CLPB: variants seen among roughly 807,000 people sequenced by gnomAD.
CLPB encodes the protein ClpB family mitochondrial disaggregase.
Under a neutral mutation model 78.4 loss-of-function variants are expected in CLPB, and 40 were observed. That is an observed-to-expected ratio of 0.51 (90% CI 0.40 to 0.66). The LOEUF (loss-of-function observed/expected upper bound fraction) is 0.66. Among genes scored for constraint, CLPB ranks in the 30% least tolerant of loss-of-function variants. The pLI is 0.00. For missense variants in CLPB, 780 were observed against 886.9 expected (o/e 0.88, Z 1.53); for synonymous variants, 333 against 348.0 (o/e 0.96, Z 0.48).
intron 11 of CLPB, among the ~76,000 whole-genome samples, chr11:72,297,619 T>C (rs1949573240): frequency 6.9e-6 from 1 of 144,164 alleles, no homozygotes; most frequent in Non-Finnish European, 1.5e-5. Context: ...TGAGGGCAGT[T>C]CTAGTTTTGG....
intron 11 of CLPB, among the ~76,000 whole-genome samples, chr11:72,298,640 G>A (rs566163177): frequency 6.6e-6 from 1 of 152,322 alleles, no homozygotes; most frequent in African/African-American, 2.4e-5. Flanking sequence ...GAGGACTACA[G>A]GCACATGTCA....
chr11:72,286,231 T>TTTTTTTTTTTTTTG lies in CLPB; in HGVS notation c.*7135_*7136insCAAAAAAAAAAAAA, dbSNP rs1590744756. 7.5e-6 allele frequency: 1 copy of TTTTTTTTTTTTTTG among 134,202 alleles called. No homozygotes were observed. Among genetic ancestry groups the TTTTTTTTTTTTTTG allele is most frequent in the East Asian group, 2.1e-4 (1 of 4,740 alleles). The allele number at this position is 134,202 out of a possible 1,614,324, so 8.3% of individuals were successfully genotyped here. A position where few individuals can be genotyped will look rare whatever the true frequency, so the allele number is the denominator to read the frequency against. On this transcript the variant is annotated 3_prime_UTR_variant, in exon 16 of 16. Transcript: ENST00000538039. ...TGTGAGATACTGCACCTGTTTTTTT[T>TTTTTTTTTTTTTTG]TTTTTTTTTTTTTTTAAGAGATAGG...
chr11:72,309,484 A>G (rs560452247), intron 7 of CLPB, among the ~76,000 whole-genome samples: 52 of 152,326 alleles, frequency 3.4e-4, no homozygotes, highest in African/African-American at 1.2e-3. Context: ...CTGTATGCTA[A>G]GCACAATGGG....
At chr11:72,420,224 G>C (rs1263457306) in intron 2 of CLPB, among the ~76,000 whole-genome samples, 1 of 152,176 alleles carries the variant, frequency 6.6e-6, no homozygotes, top group Non-Finnish European at 1.5e-5. Flanking sequence ...TCAATGGCTG[G>C]GCATGGTGGC....
At chr11:72,307,031 C>G (rs1565427359) in intron 9 of CLPB, among the ~76,000 whole-genome samples, 168 bp downstream of exon 9, 1 of 152,182 alleles carries the variant, frequency 6.6e-6, no homozygotes, top group Non-Finnish European at 1.5e-5. Context: ...GCCCAAATCT[C>G]TGGAGCAACT....
chr11:72,352,996 T>C (rs1363966555), intron 5 of CLPB: 1 of 152,092 alleles, frequency 6.6e-6, no homozygotes, highest in Non-Finnish European at 1.5e-5. Context: ...TGAATCAGAG[T>C]GTGGAGCTTC....
Position 72,434,175 on chromosome 11 carries a change from T to G in CLPB, c.300A>C (p.Gly100=). 1 of 1,613,286 alleles carries G rather than the reference T, an allele frequency of 6.2e-7. No homozygotes were observed. Among genetic ancestry groups the G allele is most frequent in the Non-Finnish European group, 8.5e-7 (1 of 1,180,000 alleles). The change falls in exon 1 of 16, where the codon GGA becomes GGC. Residue 100 remains glycine, a synonymous_variant. Transcript: ENST00000538039. ...TGGGGACCCCGTTCCAGCTGTCCTGTCCTGGGAGTGTTTCTTCGGGACCAG... is the reference window on the plus strand; with the variant it reads ...TGGGGACCCCGTTCCAGCTGTCCTGGCCTGGGAGTGTTTCTTCGGGACCAG... ...RLPGPEETLP[G]QDSWNGVPSR... is the part of the protein sequence containing the mutation.
intron 1 of CLPB, among the ~76,000 whole-genome samples, chr11:72,432,119 A>G (rs974143799): frequency 6.6e-6 from 1 of 152,056 alleles, no homozygotes; most frequent in Non-Finnish European, 1.5e-5. Flanking sequence ...ATCTGCTCTC[A>G]TCTAATTCCA....
intron 7 of CLPB, among the ~76,000 whole-genome samples, 187 bp from the exon 8 acceptor site, chr11:72,308,791 T>G (rs1283130439): frequency 2.0e-5 from 3 of 152,116 alleles, no homozygotes; most frequent in African/African-American, 7.2e-5. Flanking sequence ...CGTAATCAGG[T>G]TAGCATGGAT....
intron 3 of CLPB, among the ~76,000 whole-genome samples, chr11:72,385,326 T>C (rs1855043169): frequency 2.0e-5 from 3 of 152,228 alleles, no homozygotes; most frequent in Admixed American, 2.0e-4. Flanking sequence ...AATACATTTT[T>C]TCCTTCTAAT....
intron 4 of CLPB, among the ~76,000 whole-genome samples, chr11:72,377,226 T>C (rs1198718315): frequency 2.0e-5 from 3 of 152,182 alleles, no homozygotes; most frequent in Non-Finnish European, 4.4e-5. Context: ...CTGAGAATGC[T>C]GAATAATGCA....
Position 72,358,933 on chromosome 11 carries a change from T to G in CLPB, c.722A>C (p.His241Pro). Residue 241 changes from histidine (H) to proline (P), a missense_variant, in exon 5 of 16, where the codon CAC (histidine) becomes CCC (proline). His to Pro is a moderately conservative substitution (Grantham distance 77). This residue lies in a region of CLPB where 417 missense variants were observed against 414.7 expected (regional missense o/e 1.01). Coordinates refer to ENST00000538039, the MANE Select transcript of CLPB (RefSeq NM_001258392.3). The part of the protein sequence containing the change: ...RASFKGCTAL[H>P]YAVLADDYRT... ...GTAGTCATCAGCAAGAACAGCATAG[T>G]GCAAGGCCGTGCAGCCCTTGAAACT... 6.2e-7 allele frequency: 1 copy of G among 1,612,642 alleles called. No individual in the cohort carries two copies. The highest frequency in any genetic ancestry group is 2.2e-5 in the East Asian group (1 of 44,800).
intron 5 of CLPB, among the ~76,000 whole-genome samples, chr11:72,353,919 A>C (rs994633078): frequency 6.7e-6 from 1 of 150,286 alleles, no homozygotes; most frequent in African/African-American, 2.5e-5. Context: ...TAAAAGCATT[A>C]GTATGGTTAG....
At chr11:72,364,080 C>T (rs1030342316) in intron 4 of CLPB, among the ~76,000 whole-genome samples, 2 of 152,166 alleles carry the variant, frequency 1.3e-5, no homozygotes, top group African/African-American at 4.8e-5. Context: ...GAAAGGTCTC[C>T]GACTTTCCAA....
intron 4 of CLPB, among the ~76,000 whole-genome samples, chr11:72,372,248 C>T (rs1951055908): frequency 6.6e-6 from 1 of 152,142 alleles, no homozygotes; most frequent in Admixed American, 6.5e-5. Flanking sequence ...ACTGACATTC[C>T]GTTAAGAATA....
intron 6 of CLPB, among the ~76,000 whole-genome samples, chr11:72,317,768 C>A (rs563872661): frequency 6.6e-6 from 1 of 152,222 alleles, no homozygotes; most frequent in Non-Finnish European, 1.5e-5. Flanking sequence ...GCATGCCCAG[C>A]CTTGTGCATG....
chr11:72,383,340 C>T (rs948126959), intron 3 of CLPB, among the ~76,000 whole-genome samples: 4 of 151,610 alleles, frequency 2.6e-5, no homozygotes, highest in African/African-American at 7.3e-5. Flanking sequence ...CTGGCTAACA[C>T]GGTGAAACCC....
Position 72,291,282 on chromosome 11 carries a change from TTAG to T in CLPB, c.*2082_*2084del, listed in dbSNP as rs1949447676. ...CAAAATTTGAATGTCCGTAGATTAGTTAGTAGTAGTTTATCAATGTTAACTTCC... is the reference window on the plus strand; with the variant it reads ...CAAAATTTGAATGTCCGTAGATTAGTTAGTAGTTTATCAATGTTAACTTCC... On this transcript the variant is annotated 3_prime_UTR_variant, in exon 16 of 16. Coordinates refer to ENST00000538039, the MANE Select transcript of CLPB (RefSeq NM_001258392.3). 1 of 152,138 alleles carries T rather than the reference TTAG, an allele frequency of 6.6e-6. No homozygotes were observed. The highest frequency in any genetic ancestry group is 6.5e-5 in the Admixed American group (1 of 15,280). The allele number at this position is 152,138 out of a possible 1,614,324, so 9.4% of individuals were successfully genotyped here. A position where few individuals can be genotyped will look rare whatever the true frequency, so the allele number is the denominator to read the frequency against.
At chr11:72,432,333 A>C (rs1438946911) in intron 1 of CLPB, among the ~76,000 whole-genome samples, 1 of 152,218 alleles carries the variant, frequency 6.6e-6, no homozygotes, top group Admixed American at 6.5e-5. Flanking sequence ...GTATAACCTG[A>C]AAAAACAAAA....
Sources: gnomAD v4.1 joint callset for allele counts (sites outside exome capture counted in the v4.1 genomes callset) on GRCh38, gnomAD v4.1.1 for gene constraint, gnomAD v4.1.1 regional missense constraint, MANE v1.5 for transcripts, NCBI Gene and HGNC (gene_info 2026-07-23, HGNC 2026-07-21) for gene names.